Variants in BRIP1 observed in about 807,000 individuals in gnomAD.
The protein encoded by BRIP1 is BRCA1 interacting DNA helicase 1.
BRIP1 carries 88 observed loss-of-function variants against 119.7 expected under a neutral mutation model. That is an observed-to-expected ratio of 0.74 (90% CI 0.62 to 0.88). The LOEUF is 0.88. BRIP1 is among the 40% of genes least tolerant of loss of function. The pLI is 0.00. For missense variants in BRIP1, 1,259 were observed against 1,455.4 expected (o/e 0.87, Z 2.20); for synonymous variants, 443 against 496.5 (o/e 0.89, Z 1.43).
rs1432747426 is a variant in BRIP1 at position 61,762,545 on chromosome 17, A to T, written c.2097+13856T>A. On this transcript the variant is annotated intron_variant, in intron 14 of 19. Coordinates refer to ENST00000259008, the MANE Select transcript of BRIP1 (RefSeq NM_032043.3). This position sits in a 1 kb window ranked among gnomAD's most constrained non-coding sequence, Gnocchi z 4.3. Reference sequence around the variant, plus strand: ...TCATTAGCAAGAACACAAATAACTCAATTTAAAAATGGGCAAGGGATTTGA... The same window carrying T: ...TCATTAGCAAGAACACAAATAACTCTATTTAAAAATGGGCAAGGGATTTGA... 6.6e-6 allele frequency among the ~76,000 whole-genome samples: 1 copy of T among 152,182 alleles called. No homozygotes were observed. Among genetic ancestry groups the T allele is most frequent in the East Asian group, 1.9e-4 (1 of 5,204 alleles).
Position 61,801,388 on chromosome 17 carries a change from C to G in BRIP1, c.1005G>C (p.Trp335Cys). Residue 335 changes from tryptophan to cysteine, a missense_variant, in exon 8 of 20, where the codon TGG (tryptophan) becomes TGC (cysteine). Transcript: ENST00000259008. ...CCAGGCTGACAAGTTCTTCTATATC[C>G]CAGGCTTTGCACATCCCTTGGAAAG... is the stretch of plus-strand genomic sequence containing the variant. ...LQTFQGMCKA[W>C]DIEELVSLGK... 6.2e-7 allele frequency: 1 copy of G among 1,613,890 alleles called. No individual in the cohort carries two copies. Among genetic ancestry groups the G allele is most frequent in the South Asian group, 1.1e-5 (1 of 91,082 alleles).
chr17:61,715,913 G>C (rs768085786), intron 17 of BRIP1, 38 bp downstream of exon 17: 2 of 1,329,508 alleles, frequency 1.5e-6, no homozygotes, highest in Non-Finnish European at 2.2e-6. Flanking sequence ...ATATAGCCCT[G>C]TCACAGATAA....
At chr17:61,855,438 G>C (rs1158489049) in intron 4 of BRIP1, among the ~76,000 whole-genome samples, 3 of 152,002 alleles carry the variant, frequency 2.0e-5, no homozygotes, top group Non-Finnish European at 4.4e-5. Context: ...AATTAGCTGG[G>C]TGTGGTGGCA....
chr17:61,843,816 TCAAA>T lies in BRIP1; in HGVS notation c.627+3281_627+3284del, dbSNP rs2145717332. Among the ~76,000 whole-genome samples the T allele has an allele frequency of 6.6e-6, 1 of 152,308 alleles. No individual in the cohort carries two copies. The highest frequency in any genetic ancestry group is 2.1e-4 in the South Asian group (1 of 4,828). Reference sequence around the variant, plus strand: ...GCCTCTGGTATTGCTTTATAACAATTCAAACAGACTATCACAGCTTGGCTGTAGT... The same window carrying T: ...GCCTCTGGTATTGCTTTATAACAATTCAGACTATCACAGCTTGGCTGTAGT... On this transcript the variant is annotated intron_variant, in intron 6 of 19. Coordinates refer to ENST00000259008, the MANE Select transcript of BRIP1 (RefSeq NM_032043.3). The surrounding 1 kb of genome is among the most constrained non-coding windows in gnomAD (Gnocchi z 5.7).
chr17:61,706,937 C>T lies in BRIP1; in HGVS notation c.2492+9014G>A, dbSNP rs2061698005. Among the ~76,000 whole-genome samples, 1 of 152,134 alleles carries T rather than the reference C, an allele frequency of 6.6e-6. No individual in the cohort carries two copies. The highest frequency in any genetic ancestry group is 1.5e-5 in the Non-Finnish European group (1 of 68,024). On this transcript the variant is annotated intron_variant, in intron 17 of 19. Coordinates refer to ENST00000259008, the MANE Select transcript of BRIP1 (RefSeq NM_032043.3). The surrounding 1 kb of genome is among the most constrained non-coding windows in gnomAD (Gnocchi z 5.7). ...GACTACTTGCTGCACTGTTATCATT[C>T]CAGAGTTTTCCTTCCTGGTTGTTTT...
Position 61,704,463 on chromosome 17 carries a change from C to T in BRIP1, c.2493-10951G>A, listed in dbSNP as rs530447559. On this transcript the variant is annotated intron_variant, in intron 17 of 19. Transcript: ENST00000259008. This position sits in a 1 kb window ranked among gnomAD's most constrained non-coding sequence, Gnocchi z 5.7. ...TCTATTTCTTTGCTAGATAGCTATG[C>T]GTGTTATCTGTTTCATCTTGGCCTC... Among the ~76,000 whole-genome samples the T allele has an allele frequency of 6.6e-6, 1 of 151,794 alleles. No homozygotes were observed. Among genetic ancestry groups the T allele is most frequent in the African/African-American group, 2.4e-5 (1 of 41,332 alleles).
chr17:61,744,981 A>G lies in BRIP1; in HGVS notation c.2098-390T>C, dbSNP rs1271617434. Among the ~76,000 whole-genome samples, 1 of 151,920 alleles carries G rather than the reference A, an allele frequency of 6.6e-6. No individual in the cohort carries two copies. The highest frequency in any genetic ancestry group is 2.4e-5 in the African/African-American group (1 of 41,362). ...CAAAAGCAAAAGCAAAAAACAAAAA[A>G]CCTCTGTCAAAGTTAACAAACTTTA... On this transcript the variant is annotated intron_variant, in intron 14 of 19. Coordinates refer to ENST00000259008, the MANE Select transcript of BRIP1 (RefSeq NM_032043.3). The surrounding 1 kb of genome is among the most constrained non-coding windows in gnomAD (Gnocchi z 5.0).
intron 6 of BRIP1, among the ~76,000 whole-genome samples, chr17:61,830,422 GA>G (rs1457878089): frequency 1.3e-5 from 2 of 150,204 alleles, no homozygotes; most frequent in Non-Finnish European, 2.9e-5. Context: ...TGAGCAAAAT[GA>G]ATTCTAGATT....
intron 13 of BRIP1, among the ~76,000 whole-genome samples, chr17:61,779,905 C>T (rs1271662240): frequency 2.0e-5 from 3 of 152,142 alleles, no homozygotes; most frequent in Non-Finnish European, 2.9e-5. Flanking sequence ...CACACCACTG[C>T]ACTCCAGCCT....
At chr17:61,836,205 G>A (rs56391142) in intron 6 of BRIP1, among the ~76,000 whole-genome samples, 28,616 of 149,530 alleles carry the variant, frequency 0.19, 3,164 homozygotes, top group Admixed American at 0.3. Flanking sequence ...TCTACCTCCC[G>A]GGCTCAAGCA....
intron 6 of BRIP1, among the ~76,000 whole-genome samples, chr17:61,839,329 T>C (rs566781785): frequency 1.3e-5 from 2 of 151,946 alleles, no homozygotes; most frequent in Non-Finnish European, 2.9e-5. Flanking sequence ...TAAGTACTTA[T>C]CCTATTTTTA....
rs2062026008 is a variant in BRIP1, at chr17:61,724,117, A to G, written c.2380-8054T>C. ...ATAGTTTTTAGACAAATAAATATAT[A>G]TCTGCATCAAAATCTAACCTAACTG... is the stretch of plus-strand genomic sequence containing the variant. On this transcript the variant is annotated intron_variant, in intron 16 of 19. Coordinates refer to ENST00000259008, the MANE Select transcript of BRIP1 (RefSeq NM_032043.3). The surrounding 1 kb of genome is among the most constrained non-coding windows in gnomAD (Gnocchi z 5.1). 6.6e-6 allele frequency among the ~76,000 whole-genome samples: 1 copy of G among 152,152 alleles called. No individual in the cohort carries two copies. Among genetic ancestry groups the G allele is most frequent in the Non-Finnish European group, 1.5e-5 (1 of 68,004 alleles).
rs745344948 is a variant in BRIP1 at position 61,683,669 on chromosome 17, TCTG to T, written c.3374_3376del (p.Ala1125del). On this transcript the variant is annotated inframe_deletion, in exon 20 of 20. Transcript: ENST00000259008. This position sits in a 1 kb window ranked among gnomAD's most constrained non-coding sequence, Gnocchi z 4.7. Reference sequence around the variant, plus strand: ...AGGTGTAAAATAGATAGATTCATCTTCTGCTTCTGTTTCAAAATCTCTATTTGA... The same window carrying T: ...AGGTGTAAAATAGATAGATTCATCTTCTTCTGTTTCAAAATCTCTATTTGA... 38 of 1,613,598 alleles carry T rather than the reference TCTG, an allele frequency of 2.4e-5. No homozygotes were observed. The highest frequency in any genetic ancestry group is 2.1e-5 in the Non-Finnish European group (25 of 1,179,994).
chr17:61,788,028 G>T (rs1030916510), intron 10 of BRIP1, among the ~76,000 whole-genome samples: 2 of 152,032 alleles, frequency 1.3e-5, no homozygotes, highest in African/African-American at 4.8e-5. Context: ...TGAAGAAATA[G>T]AAAGAAATGA....
rs1431104536 is a variant in BRIP1 at position 61,722,699 on chromosome 17, G to A, written c.2380-6636C>T. ...CCGAAGACAACAGTTGCTCTAGGAC[G>A]TATTAGTTATAAATGGAATATTTAG... On this transcript the variant is annotated intron_variant, in intron 16 of 19. Coordinates refer to ENST00000259008, the MANE Select transcript of BRIP1 (RefSeq NM_032043.3). The surrounding 1 kb of genome is among the most constrained non-coding windows in gnomAD (Gnocchi z 4.6). Among the ~76,000 whole-genome samples the A allele has an allele frequency of 6.6e-6, 1 of 152,150 alleles. No individual in the cohort carries two copies. Among genetic ancestry groups the A allele is most frequent in the Non-Finnish European group, 1.5e-5 (1 of 68,024 alleles).
Position 61,686,296 on chromosome 17 carries a change from A to G in BRIP1, c.2576-131T>C. The G allele has an allele frequency of 2.3e-6, 2 of 861,204 alleles. No homozygotes were observed. Among genetic ancestry groups the G allele is most frequent in the East Asian group, 2.6e-5 (1 of 37,900 alleles). The allele number at this position is 861,204 out of a possible 1,614,324, so 53.3% of individuals were successfully genotyped here. A position where few individuals can be genotyped will look rare whatever the true frequency, so the allele number is the denominator to read the frequency against. On this transcript the variant is annotated intron_variant, in intron 18 of 19. Transcript: ENST00000259008. The surrounding 1 kb of genome is among the most constrained non-coding windows in gnomAD (Gnocchi z 5.4). ...TTTTGAATATACAGAATGGTTCTCC[A>G]TATGTTTTTTCTGCAATTCAGCAAT... is the stretch of plus-strand genomic sequence containing the variant.
At chr17:61,696,323 CTTGGTCATG>C (rs1474030817) in intron 17 of BRIP1, among the ~76,000 whole-genome samples, 1 of 151,466 alleles carries the variant, frequency 6.6e-6, no homozygotes, top group Non-Finnish European at 1.5e-5. Context: ...ATCAATCTTA[CTTGGTCATG>C]GTGTATAATC....
rs1280270757 is a variant in BRIP1 at position 61,816,655 on chromosome 17, G to C, written c.628-7898C>G. ...AAGCAAAAATTATCCTGGTATAATA[G>C]AACTTTACATAGATGTGATTATAGC... On this transcript the variant is annotated intron_variant, in intron 6 of 19. Coordinates refer to ENST00000259008, the MANE Select transcript of BRIP1 (RefSeq NM_032043.3). This position sits in a 1 kb window ranked among gnomAD's most constrained non-coding sequence, Gnocchi z 5.0. 2.6e-5 allele frequency among the ~76,000 whole-genome samples: 4 copies of C among 152,070 alleles called. No individual in the cohort carries two copies. The highest frequency in any genetic ancestry group is 7.2e-5 in the African/African-American group (3 of 41,416).
chr17:61,716,832 A>AAATAATATGC (rs1555581245), intron 16 of BRIP1, among the ~76,000 whole-genome samples: 98 of 150,956 alleles, frequency 6.5e-4, no homozygotes, highest in African/African-American at 9.0e-4. Context: ...CCACTACTGG[A>AAATAATATGC]TTATTAGCTA....
Sources: gnomAD v4.1 joint callset for allele counts (sites outside exome capture counted in the v4.1 genomes callset) on GRCh38, gnomAD v4.1.1 for gene constraint, Gnocchi (gnomAD v3.1) non-coding constraint, MANE v1.5 for transcripts, NCBI Gene and HGNC (gene_info 2026-07-23, HGNC 2026-07-21) for gene names.